The following CSMD3 variants were observed in gnomAD, a reference collection of about 807,000 sequenced individuals.
The protein encoded by CSMD3 is CUB and sushi domain-containing protein 3.
CSMD3 carries 177 observed loss-of-function variants against 435.2 expected under a neutral mutation model. The ratio of observed to expected loss-of-function variants is 0.41; its 90% CI spans 0.36 to 0.46. The LOEUF (loss-of-function observed/expected upper bound fraction) is 0.46. CSMD3 is among the 20% of genes least tolerant of loss of function. The pLI, the probability that CSMD3 is intolerant of heterozygous loss-of-function variation, is 0.34. For missense variants in CSMD3, 4,265 were observed against 4,504.6 expected (o/e 0.95, Z 1.52); for synonymous variants, 1,656 against 1,520.5 (o/e 1.09, Z -2.07).
At chr8:113,191,976 T>C (rs1210721045) in intron 3 of CSMD3, among the ~76,000 whole-genome samples, 1 of 151,966 alleles carries the variant, frequency 6.6e-6, no homozygotes, top group African/African-American at 2.4e-5. Flanking sequence ...CATTGTGGTT[T>C]TGATTTGCAT....
chr8:113,197,406 A>G (rs573375597), intron 3 of CSMD3, among the ~76,000 whole-genome samples: 4 of 151,286 alleles, frequency 2.6e-5, no homozygotes, highest in African/African-American at 9.6e-5. Context: ...AAAATCCAAA[A>G]CAGTTCTGTA....
At chr8:112,842,610 T>C (rs1186776248) in intron 11 of CSMD3, among the ~76,000 whole-genome samples, 1 of 151,808 alleles carries the variant, frequency 6.6e-6, no homozygotes, top group Non-Finnish European at 1.5e-5. Context: ...TCAAGAGTCA[T>C]AAGAAATTAA....
chr8:112,340,475 A>T (rs965688415), intron 42 of CSMD3, among the ~76,000 whole-genome samples: 1 of 152,142 alleles, frequency 6.6e-6, no homozygotes, highest in Non-Finnish European at 1.5e-5. Context: ...GCAAATATTT[A>T]TTGTGCTTAC....
At chr8:113,169,243 T>C (rs2092222518) in intron 4 of CSMD3, among the ~76,000 whole-genome samples, 2 of 152,148 alleles carry the variant, frequency 1.3e-5, no homozygotes, top group Admixed American at 1.3e-4. Flanking sequence ...ACTTGGAAGA[T>C]TTATTTTTCT....
chr8:112,912,017 T>C (rs1166834158), intron 10 of CSMD3, among the ~76,000 whole-genome samples: 2 of 149,546 alleles, frequency 1.3e-5, no homozygotes, highest in African/African-American at 4.9e-5. Flanking sequence ...CTACTGATAA[T>C]CTAATATGCA....
intron 19 of CSMD3, 23 bp from the exon 20 acceptor site, chr8:112,645,248 C>T: frequency 8.1e-7 from 1 of 1,227,152 alleles, no homozygotes; most frequent in Non-Finnish European, 1.2e-6. Context: ...GAAACAGATC[C>T]ATGTGATCAG....
chr8:112,339,858 C>G (rs1026960529), intron 42 of CSMD3, among the ~76,000 whole-genome samples: 2 of 152,164 alleles, frequency 1.3e-5, no homozygotes, highest in East Asian at 3.9e-4. Flanking sequence ...AAAAAGAAAC[C>G]ATTTTAAAAC....
intron 7 of CSMD3, among the ~76,000 whole-genome samples, chr8:112,960,766 T>A (rs1030595033): frequency 6.6e-6 from 1 of 151,884 alleles, no homozygotes; most frequent in Non-Finnish European, 1.5e-5. Flanking sequence ...ACACGAGAGT[T>A]AACATATTTT....
chr8:112,610,300 T>A (rs1391170932), intron 22 of CSMD3, among the ~76,000 whole-genome samples: 1 of 151,972 alleles, frequency 6.6e-6, no homozygotes, highest in Non-Finnish European at 1.5e-5. Flanking sequence ...CATGCAAGTT[T>A]TATTTGTCAA....
At chr8:112,822,928 G>A (rs2079567804) in intron 12 of CSMD3, among the ~76,000 whole-genome samples, 1 of 152,098 alleles carries the variant, frequency 6.6e-6, no homozygotes, top group Non-Finnish European at 1.5e-5. Context: ...TTTTGTGATG[G>A]ATTACACTTA....
intron 59 of CSMD3, among the ~76,000 whole-genome samples, chr8:112,274,921 C>A (rs917593192): frequency 1.2e-4 from 19 of 152,158 alleles, no homozygotes; most frequent in Admixed American, 5.9e-4. Flanking sequence ...AGTTGTTTAA[C>A]TACGCTGCGT....
chr8:112,597,273 T>C (rs1240841330), intron 22 of CSMD3, among the ~76,000 whole-genome samples: 2 of 152,034 alleles, frequency 1.3e-5, no homozygotes, highest in Non-Finnish European at 2.9e-5. Flanking sequence ...CTAGAAGAAA[T>C]GGATAAATTC....
chr8:113,191,675 G>C (rs1008545280), intron 3 of CSMD3, among the ~76,000 whole-genome samples: 1 of 151,784 alleles, frequency 6.6e-6, no homozygotes, highest in African/African-American at 2.4e-5. Context: ...GGGCACCTAG[G>C]CTGATTCCAT....
intron 1 of CSMD3, among the ~76,000 whole-genome samples, chr8:113,390,185 T>C (rs1358135931): frequency 6.6e-6 from 1 of 151,804 alleles, no homozygotes; most frequent in Non-Finnish European, 1.5e-5. Flanking sequence ...AGACAATACA[T>C]GAGGTGGACA....
intron 3 of CSMD3, among the ~76,000 whole-genome samples, chr8:113,270,676 G>A (rs2093516121): frequency 6.6e-6 from 1 of 152,032 alleles, no homozygotes; most frequent in Admixed American, 6.5e-5. Context: ...TCCTTTGTAG[G>A]GACATGGATG....
intron 1 of CSMD3, among the ~76,000 whole-genome samples, chr8:113,360,566 C>T (rs572177343): frequency 1.5e-5 from 2 of 134,104 alleles, no homozygotes; most frequent in Admixed American, 8.6e-5. Flanking sequence ...CAAGTGACTT[C>T]AGTCTTTTTT....
chr8:112,795,472 T>C (rs561746656), intron 13 of CSMD3, among the ~76,000 whole-genome samples: 2 of 152,276 alleles, frequency 1.3e-5, no homozygotes, highest in African/African-American at 4.8e-5. Context: ...CCTTGTCAAA[T>C]ATATTAAATG....
At chr8:113,207,005 T>C (rs1448786136) in intron 3 of CSMD3, among the ~76,000 whole-genome samples, 1 of 152,154 alleles carries the variant, frequency 6.6e-6, no homozygotes, top group Non-Finnish European at 1.5e-5. Flanking sequence ...ACGGTAAAAA[T>C]GCAGGCTACT....
chr8:113,087,395 A>G (rs867456377), intron 5 of CSMD3, among the ~76,000 whole-genome samples: 209 of 152,040 alleles, frequency 1.4e-3, no homozygotes, highest in Middle Eastern at 6.8e-3. Context: ...AGCCCGCATC[A>G]CCAAGTCAAT....
Sources: allele counts gnomAD v4.1 joint callset (sites outside exome capture counted in the v4.1 genomes callset), GRCh38; gene constraint gnomAD v4.1.1; transcripts MANE v1.5; gene names NCBI Gene and HGNC (gene_info 2026-07-23, HGNC 2026-07-21).